The following NRG1 variants were observed in gnomAD, a reference collection of about 807,000 sequenced individuals.
NRG1 encodes neuregulin 1.
In NRG1, 18 loss-of-function variants were observed where a neutral mutation model predicts 63.8. The observed-to-expected ratio is 0.28, with a 90% CI of 0.19 to 0.42. The LOEUF is 0.42. NRG1 is among the 10% of genes least tolerant of loss of function. The probability of loss-of-function intolerance (pLI) is 1.00; values close to 1 mark genes in which losing one functional copy is unlikely to be tolerated. For missense variants in NRG1, 762 were observed against 814.7 expected (o/e 0.94, Z 0.79); for synonymous variants, 302 against 301.3 (o/e 1.00, Z -0.02).
At chr8:31,995,556 G>C (rs982794856) in intron 1 of NRG1, among the ~76,000 whole-genome samples, 1 of 151,918 alleles carries the variant, frequency 6.6e-6, no homozygotes, top group Non-Finnish European at 1.5e-5. Flanking sequence ...TACTTTATAG[G>C]CAGATGCTAT....
At chr8:31,730,358 G>T (rs1813899558) in intron 1 of NRG1, among the ~76,000 whole-genome samples, 1 of 152,010 alleles carries the variant, frequency 6.6e-6, no homozygotes, top group South Asian at 2.1e-4. Flanking sequence ...GGATATAAAT[G>T]ACATATAAAG....
At chr8:32,280,715 CAGATAAACCATGAATCACA>C (rs1852664008) in intron 1 of NRG1, among the ~76,000 whole-genome samples, 1 of 37,388 alleles carries the variant, frequency 2.7e-5, no homozygotes, top group African/African-American at 8.0e-5. Context: ...TTTTTTTTTT[CAGATAAACCATGAATCACA>C]TTTTATTTAT....
chr8:31,650,270 A>C (rs750240249), intron 1 of NRG1, among the ~76,000 whole-genome samples: 11 of 152,196 alleles, frequency 7.2e-5, no homozygotes, highest in African/African-American at 1.9e-4. Context: ...GAGCCACTGC[A>C]CTTGGCCTGA....
chr8:31,640,146 G>A lies in NRG1; in HGVS notation c.37+715G>A. On this transcript the variant is annotated intron_variant, in intron 1 of 10. Transcript: ENST00000519301. The surrounding 1 kb of genome is among the most constrained non-coding windows in gnomAD (Gnocchi z 6.3). ...CGGGGGCGGCGGCCGGCAACGAGGC[G>A]GCTCCCGCGGGGGCCTCGGTGTGCT... 1 of 1,171,358 alleles carries A rather than the reference G, an allele frequency of 8.5e-7. No individual in the cohort carries two copies. Among genetic ancestry groups the A allele is most frequent in the Non-Finnish European group, 1.1e-6 (1 of 949,210 alleles). 72.6% of individuals were successfully genotyped at this position (1,171,358 alleles called of 1,614,324 possible).
chr8:31,804,292 C>T (rs1329692387), intron 1 of NRG1, among the ~76,000 whole-genome samples: 1 of 152,182 alleles, frequency 6.6e-6, no homozygotes, highest in Admixed American at 6.5e-5. Context: ...TCAAGCATCC[C>T]AGCCTGTCTA....
intron 1 of NRG1, among the ~76,000 whole-genome samples, chr8:31,982,784 C>G (rs1438715987): frequency 6.6e-6 from 1 of 152,000 alleles, no homozygotes; most frequent in East Asian, 1.9e-4. Context: ...TTTTTTTCAT[C>G]TAAGAGTTTT....
At chr8:32,354,174 C>G (rs1393295832) in intron 1 of NRG1, among the ~76,000 whole-genome samples, 1 of 151,738 alleles carries the variant, frequency 6.6e-6, no homozygotes, top group Non-Finnish European at 1.5e-5. Context: ...TTCGAGACCC[C>G]CCAGGCCCAC....
intron 1 of NRG1, among the ~76,000 whole-genome samples, chr8:31,813,523 T>TTCTTTTC (rs1338179724): frequency 2.2e-5 from 3 of 139,410 alleles, no homozygotes; most frequent in Non-Finnish European, 4.6e-5. Flanking sequence ...TTTCTTTTTT[T>TTCTTTTC]TTTTTTTTTT....
intron 1 of NRG1, among the ~76,000 whole-genome samples, chr8:32,504,915 G>C (rs1329790320): frequency 1.3e-5 from 2 of 152,094 alleles, no homozygotes; most frequent in East Asian, 3.8e-4. Context: ...TGACTTTTGG[G>C]CTGGAAATCA....
chr8:31,851,408 A>G (rs1827200326), intron 1 of NRG1, among the ~76,000 whole-genome samples: 1 of 152,196 alleles, frequency 6.6e-6, no homozygotes, highest in Admixed American at 6.5e-5. Context: ...GGTGAAAGGC[A>G]GAGTGTCCTG....
Position 32,275,769 on chromosome 8 carries a change from G to A in NRG1, c.38-320059G>A, listed in dbSNP as rs76154078. 3.9e-4 allele frequency among the ~76,000 whole-genome samples: 60 copies of A among 152,010 alleles called. No homozygotes were observed. The East Asian group carries it at 1.0e-2, about 25-fold the overall frequency. ...ACAGGCCTTGATTTAGAAGATCTGC[G>A]GCAGGCCCAGGGTCTGCATTCCTAC... On this transcript the variant is annotated intron_variant, in intron 1 of 10. Transcript: ENST00000519301.
At chr8:32,677,232 C>A (rs1256092746) in intron 5 of NRG1, among the ~76,000 whole-genome samples, 2 of 152,190 alleles carry the variant, frequency 1.3e-5, no homozygotes, top group Non-Finnish European at 2.9e-5. Context: ...TTCCCAAATA[C>A]TGCCTAACTT....
chr8:32,625,783 TTTTTC>T (rs1849126990), intron 5 of NRG1, among the ~76,000 whole-genome samples: 1 of 133,678 alleles, frequency 7.5e-6, no homozygotes, highest in African/African-American at 2.6e-5. Context: ...TCTTTTTTTT[TTTTTC>T]TTTTTTCTTT....
chr8:32,021,271 C>T (rs531587437), intron 1 of NRG1, among the ~76,000 whole-genome samples: 46 of 146,928 alleles, frequency 3.1e-4, no homozygotes, highest in Non-Finnish European at 4.4e-4. Flanking sequence ...AGAAGTTCAA[C>T]GGCATGACCC....
intron 1 of NRG1, among the ~76,000 whole-genome samples, chr8:32,535,300 A>C (rs1831848061): frequency 6.6e-6 from 1 of 152,164 alleles, no homozygotes; most frequent in African/African-American, 2.4e-5. Context: ...ACATGTACAT[A>C]TTTCCCTAAT....
intron 1 of NRG1, among the ~76,000 whole-genome samples, chr8:32,451,215 ACT>A (rs746199080): frequency 1.3e-5 from 2 of 152,088 alleles, no homozygotes; most frequent in Non-Finnish European, 2.9e-5. Flanking sequence ...CTCTTTTCTA[ACT>A]CTCTCTTTCA....
chr8:32,736,490 G>A (rs1384259755), intron 6 of NRG1, among the ~76,000 whole-genome samples: 1 of 152,176 alleles, frequency 6.6e-6, no homozygotes, highest in Non-Finnish European at 1.5e-5. Flanking sequence ...TTTGGTGTCT[G>A]ATACTTTCTC....
At chr8:32,141,514 ATAGT>A (rs1435045944) in intron 1 of NRG1, among the ~76,000 whole-genome samples, 1 of 139,064 alleles carries the variant, frequency 7.2e-6, no homozygotes, top group African/African-American at 2.7e-5. Flanking sequence ...CAGATGTGAG[ATAGT>A]TAAGTGTGTG....
chr8:32,430,611 C>A (rs1455742183), intron 1 of NRG1, among the ~76,000 whole-genome samples: 1 of 152,096 alleles, frequency 6.6e-6, no homozygotes, highest in Non-Finnish European at 1.5e-5. Flanking sequence ...TATTGTGTTA[C>A]GTTCAACACT....
Sources: allele counts gnomAD v4.1 joint callset (sites outside exome capture counted in the v4.1 genomes callset), GRCh38; gene constraint gnomAD v4.1.1; non-coding constraint Gnocchi (gnomAD v3.1); transcripts MANE v1.5; gene names NCBI Gene and HGNC (gene_info 2026-07-23, HGNC 2026-07-21).